The following ANKRD30BL variants were observed in gnomAD, a reference collection of about 807,000 sequenced individuals.
ANKRD30BL encodes ankyrin repeat domain 30B like.
Under a neutral mutation model 18.4 loss-of-function variants are expected in ANKRD30BL, and 20 were observed. The ratio of observed to expected loss-of-function variants is 1.09; its 90% CI spans 0.77 to 1.58. The LOEUF (loss-of-function observed/expected upper bound fraction) is 1.58. Among genes scored for constraint, ANKRD30BL ranks in the 40% most tolerant of loss-of-function variants. The pLI is 0.00. For missense variants in ANKRD30BL, 224 were observed against 268.6 expected (o/e 0.83, Z 1.16); for synonymous variants, 72 against 100.9 (o/e 0.71, Z 1.72).
At chr2:132,230,719 C>T (rs1412042617) in intron 1 of ANKRD30BL, among the ~76,000 whole-genome samples, 2 of 151,660 alleles carry the variant, frequency 1.3e-5, no homozygotes, top group Non-Finnish European at 2.9e-5. Context: ...AGATTTGAAC[C>T]TTGCTTTTGA....
chr2:132,234,656 A>C (rs1218742931), intron 1 of ANKRD30BL, among the ~76,000 whole-genome samples: 1 of 152,204 alleles, frequency 6.6e-6, no homozygotes, highest in Non-Finnish European at 1.5e-5. Context: ...GAATCTCGGA[A>C]TAGACCAATA....
At chr2:132,207,356 A>T (rs1184619885) in intron 1 of ANKRD30BL, among the ~76,000 whole-genome samples, 1 of 152,150 alleles carries the variant, frequency 6.6e-6, no homozygotes, top group Non-Finnish European at 1.5e-5. Context: ...GGTAAAATAC[A>T]TTATCTTCAG....
chr2:132,200,865 G>A (rs1307621228), intron 1 of ANKRD30BL, among the ~76,000 whole-genome samples: 1 of 152,158 alleles, frequency 6.6e-6, no homozygotes, highest in African/African-American at 2.4e-5. Flanking sequence ...GAACAAAGCT[G>A]GAGGCATCAC....
At chr2:132,213,274 G>C (rs1203642984) in intron 1 of ANKRD30BL, among the ~76,000 whole-genome samples, 2 of 151,780 alleles carry the variant, frequency 1.3e-5, no homozygotes, top group African/African-American at 4.8e-5. Flanking sequence ...CATTTGGAGC[G>C]ATTTGAGGCC....
intron 1 of ANKRD30BL, among the ~76,000 whole-genome samples, chr2:132,252,389 G>A (rs1573897763): frequency 6.6e-6 from 1 of 152,226 alleles, no homozygotes; most frequent in Non-Finnish European, 1.5e-5. Flanking sequence ...CAGAGCTGGC[G>A]GTGGGCACAC....
intron 1 of ANKRD30BL, among the ~76,000 whole-genome samples, chr2:132,235,924 C>A (rs1326561783): frequency 6.6e-6 from 1 of 152,126 alleles, no homozygotes; most frequent in Non-Finnish European, 1.5e-5. Context: ...CATCACACTA[C>A]CTGACTTCAA....
chr2:132,254,463 G>C (rs1311806065), intron 1 of ANKRD30BL, among the ~76,000 whole-genome samples: 1 of 152,238 alleles, frequency 6.6e-6, no homozygotes, highest in Non-Finnish European at 1.5e-5. Flanking sequence ...TGACCCAGCG[G>C]GCTGATCCGA....
chr2:132,198,342 T>A (rs867880092), intron 1 of ANKRD30BL, among the ~76,000 whole-genome samples: 6 of 113,244 alleles, frequency 5.3e-5, no homozygotes, highest in Non-Finnish European at 9.7e-5. Flanking sequence ...TTTTTTTTTT[T>A]AGACAGAGTC....
At chr2:132,211,626 TCA>T (rs1245556525) in intron 1 of ANKRD30BL, among the ~76,000 whole-genome samples, 1 of 152,126 alleles carries the variant, frequency 6.6e-6, no homozygotes, top group African/African-American at 2.4e-5. Flanking sequence ...TGCATTCATC[TCA>T]CAGAGTTGAA....
intron 1 of ANKRD30BL, among the ~76,000 whole-genome samples, chr2:132,232,528 C>T (rs990367641): frequency 1.7e-4 from 26 of 151,896 alleles, no homozygotes; most frequent in East Asian, 5.8e-4. Flanking sequence ...TCGAGAACTA[C>T]GTGAAGAATG....
intron 1 of ANKRD30BL, among the ~76,000 whole-genome samples, chr2:132,236,760 C>T (rs1242374988): frequency 1.3e-5 from 2 of 152,064 alleles, no homozygotes; most frequent in East Asian, 3.9e-4. Flanking sequence ...TTTGACCCAG[C>T]CATCCCATTA....
intron 1 of ANKRD30BL, among the ~76,000 whole-genome samples, chr2:132,198,583 A>T (rs1474292257): frequency 1.3e-5 from 2 of 150,524 alleles, no homozygotes; most frequent in African/African-American, 2.4e-5. Flanking sequence ...TTGGCCTCCC[A>T]AAGTGCTGGG....
intron 1 of ANKRD30BL, among the ~76,000 whole-genome samples, chr2:132,235,789 T>A (rs199791860): frequency 2.4e-4 from 37 of 152,030 alleles, no homozygotes; most frequent in Admixed American, 1.3e-3. Context: ...ATTCAATGCC[T>A]TCCCCATCAA....
At chr2:132,214,184 T>A (rs1679430552) in intron 1 of ANKRD30BL, among the ~76,000 whole-genome samples, 1 of 152,070 alleles carries the variant, frequency 6.6e-6, no homozygotes, top group Non-Finnish European at 1.5e-5. Context: ...ACAGAAACAT[T>A]CTGACAAATT....
Position 132,197,749 on chromosome 2 carries a change from C to CT in ANKRD30BL, n.442-40604dup, listed in dbSNP as rs549462717. Reference sequence around the variant, plus strand: ...AATGTTAAAATTTGAAGCACAATAACTTTTTGTTGACCTTTAAAAAATATA... The same window carrying CT: ...AATGTTAAAATTTGAAGCACAATAACTTTTTTGTTGACCTTTAAAAAATATA... On this transcript the variant is annotated intron_variant and non_coding_transcript_variant, in intron 1 of 4. Coordinates refer to the ANKRD30BL transcript ENST00000470729. Among the ~76,000 whole-genome samples, 661 of 151,784 alleles carry CT rather than the reference C, an allele frequency of 4.4e-3. 9 individuals carry two copies. The highest frequency in any genetic ancestry group is 0.015 in the African/African-American group (634 of 41,512).
intron 1 of ANKRD30BL, among the ~76,000 whole-genome samples, chr2:132,240,210 T>G (rs1449936393): frequency 2.6e-5 from 4 of 152,042 alleles, no homozygotes; most frequent in Middle Eastern, 3.4e-3. Flanking sequence ...TGTACTCAAA[T>G]CACAGAGTTA....
intron 1 of ANKRD30BL, among the ~76,000 whole-genome samples, chr2:132,232,730 G>A (rs967612520): frequency 6.6e-6 from 1 of 152,132 alleles, no homozygotes; most frequent in African/African-American, 2.4e-5. Flanking sequence ...GAAAGTGATG[G>A]GGAGAAGGGA....
chr2:132,221,679 C>T (rs1183784274), intron 1 of ANKRD30BL, among the ~76,000 whole-genome samples: 3 of 120,572 alleles, frequency 2.5e-5, no homozygotes, highest in African/African-American at 8.4e-5. Context: ...GCCGCCCCGT[C>T]CGGGAGGGAG....
intron 1 of ANKRD30BL, among the ~76,000 whole-genome samples, chr2:132,167,131 A>G (rs968514372): frequency 4.0e-4 from 60 of 151,308 alleles, no homozygotes; most frequent in African/African-American, 1.4e-3. Context: ...TTGTGGTCTG[A>G]GTGTGTACTT....
Sources: allele counts gnomAD v4.1 joint callset (sites outside exome capture counted in the v4.1 genomes callset), GRCh38; gene constraint gnomAD v4.1.1; transcripts MANE v1.5; gene names NCBI Gene and HGNC (gene_info 2026-07-23, HGNC 2026-07-21).